TMTC3: variants seen among roughly 807,000 people sequenced by gnomAD.
The protein encoded by TMTC3 is protein O-mannosyl-transferase TMTC3.
TMTC3 carries 52 observed loss-of-function variants against 92.2 expected under a neutral mutation model. The observed-to-expected ratio is 0.56, with a 90% CI of 0.45 to 0.71. The LOEUF is 0.71. Ranked by LOEUF, TMTC3 falls within the 30% of genes least tolerant of loss-of-function variation. TMTC3 has a pLI of 0.00. For missense variants in TMTC3, 896 were observed against 1,057.1 expected, an observed-to-expected ratio of 0.85 and a Z score of 2.11; for synonymous variants, 339 against 363.3, an observed-to-expected ratio of 0.93 and a Z score of 0.76.
At chr12:88,184,025 G>A (rs1451427994) in intron 10 of TMTC3, among the ~76,000 whole-genome samples, 1 of 151,868 alleles carries the variant, frequency 6.6e-6, no homozygotes, top group South Asian at 2.1e-4. Flanking sequence ...TTCCTCACAC[G>A]GGGCACCACC....
At chr12:88,174,023 C>T (rs2041232758) in intron 8 of TMTC3, among the ~76,000 whole-genome samples, 1 of 152,050 alleles carries the variant, frequency 6.6e-6, no homozygotes, top group Non-Finnish European at 1.5e-5. Flanking sequence ...ACTATTAATA[C>T]TAAACAAGAT....
chr12:88,195,778 T>A lies in TMTC3; in HGVS notation c.*129T>A, dbSNP rs2041505646. 2.9e-6 allele frequency: 2 copies of A among 688,288 alleles called. No homozygotes were observed. The highest frequency in any genetic ancestry group is 4.7e-6 in the Non-Finnish European group (2 of 427,684). 42.6% of individuals were successfully genotyped at this position (688,288 alleles called of 1,614,324 possible). A position where few individuals can be genotyped will look rare whatever the true frequency, so the allele number is the denominator to read the frequency against. On this transcript the variant is annotated 3_prime_UTR_variant, in exon 14 of 14. Coordinates refer to ENST00000266712, the MANE Select transcript of TMTC3 (RefSeq NM_181783.4). ...AATCATGAGCTGCCTTGAAGTAGGA[T>A]CAAAATAAGATTTTCATTAAAGACC...
intron 2 of TMTC3, 23 bp from the exon 3 acceptor site, chr12:88,153,268 C>G (rs1448927819): frequency 1.3e-6 from 2 of 1,568,316 alleles, no homozygotes; most frequent in Admixed American, 3.5e-5. Context: ...CTTTAATAAT[C>G]ACTGATCGTT....
intron 13 of TMTC3, among the ~76,000 whole-genome samples, chr12:88,193,676 C>T (rs1284094500): frequency 6.6e-6 from 1 of 152,068 alleles, no homozygotes; most frequent in Non-Finnish European, 1.5e-5. Flanking sequence ...GAACTGAAGC[C>T]TCCTGATTTA....
In TMTC3 at chr12:88,195,496, T is replaced by C; in HGVS notation, c.2592T>C (p.Asn864=). 1 of 1,612,854 alleles carries C rather than the reference T, an allele frequency of 6.2e-7. No individual in the cohort carries two copies. Among genetic ancestry groups the C allele is most frequent in the Non-Finnish European group, 8.5e-7 (1 of 1,179,602 alleles). Residue 864 remains asparagine, a synonymous_variant, in exon 14 of 14, where the codon AAT becomes AAC. Coordinates refer to ENST00000266712, the MANE Select transcript of TMTC3 (RefSeq NM_181783.4). ...CACAAATAGTAAAAACAAGTGATAA[T>C]AAAAGTCAGTCTAAATCCAACAAAC... ...RQTQIVKTSD[N]KSQSKSNKQL... is the part of the protein sequence containing the mutation.
rs2041539622 is a variant in TMTC3, at chr12:88,198,350, T to G, written c.*2701T>G. ...TATCACAGGTTTGTATGCTGGTGAA[T>G]GGATAGTTTTAATTCTCACTGTCTC... is the stretch of plus-strand genomic sequence containing the variant. On this transcript the variant is annotated 3_prime_UTR_variant, in exon 14 of 14. Transcript: ENST00000266712. The G allele has an allele frequency of 5.0e-6, 2 of 398,118 alleles. No homozygotes were observed. Among genetic ancestry groups the G allele is most frequent in the Non-Finnish European group, 8.9e-6 (2 of 225,688 alleles). The allele number at this position is 398,118 out of a possible 1,614,324, so 24.7% of individuals were successfully genotyped here. A position where few individuals can be genotyped will look rare whatever the true frequency, so the allele number is the denominator to read the frequency against.
At position 88,172,448 on chromosome 12, in the gene TMTC3, G is replaced by A. The variant is rs1028414153; in HGVS notation, c.1051-149G>A. 4.6e-4 allele frequency: 154 copies of A among 336,200 alleles called. 2 individuals are homozygous for A. In the Middle Eastern group the frequency reaches 4.8e-3, roughly 11 times the overall value. The allele number at this position is 336,200 out of a possible 1,614,324, so 20.8% of individuals were successfully genotyped here. ...TATGTTTAAATTAATATTCTTCACA[G>A]TATTATTAAAAATAGTTTAGCAGTA... On this transcript the variant is annotated intron_variant, in intron 7 of 13. Transcript: ENST00000266712.
intron 6 of TMTC3, among the ~76,000 whole-genome samples, chr12:88,164,314 G>A (rs1012788856): frequency 1.3e-5 from 2 of 150,974 alleles, no homozygotes; most frequent in Non-Finnish European, 2.9e-5. Flanking sequence ...ACTAATTCTA[G>A]CCCCCGCACT....
At chr12:88,192,021 TTTTTTTC>T (rs1302016570) in intron 12 of TMTC3, among the ~76,000 whole-genome samples, 4 of 131,926 alleles carry the variant, frequency 3.0e-5, no homozygotes, top group Non-Finnish European at 4.5e-5. Context: ...TTTCTTTTTT[TTTTTTTC>T]TTTTTTTTTT....
Position 88,166,542 on chromosome 12 carries a change from G to A in TMTC3, c.1010G>A (p.Ser337Asn). Residue 337 changes from serine (S) to asparagine (N), a missense_variant, in exon 7 of 14, where the codon AGT (serine) becomes AAT (asparagine). Coordinates refer to ENST00000266712, the MANE Select transcript of TMTC3 (RefSeq NM_181783.4). ...TTTCTGGGGATGTTGGGAGTATTCA[G>A]TATCAGATACTCTGGTGATTCCTCC... ...FCFLGMLGVF[S>N]IRYSGDSSKT... The A allele has an allele frequency of 6.2e-7, 1 of 1,613,744 alleles. No homozygotes were observed. The highest frequency in any genetic ancestry group is 1.1e-5 in the South Asian group (1 of 91,070).
chr12:88,148,860 T>G (rs1172660881), intron 2 of TMTC3, among the ~76,000 whole-genome samples: 1 of 152,050 alleles, frequency 6.6e-6, no homozygotes, highest in Non-Finnish European at 1.5e-5. Flanking sequence ...TAGTACCCAA[T>G]AGGTAGTTTT....
At chr12:88,173,191 C>T in intron 8 of TMTC3, 1 of 899,078 alleles carries the variant, frequency 1.1e-6, no homozygotes. Flanking sequence ...ATCCTAGTTG[C>T]CTCAAACTAA....
chr12:88,159,262 A>G (rs1045355446), intron 4 of TMTC3, among the ~76,000 whole-genome samples: 3 of 152,228 alleles, frequency 2.0e-5, no homozygotes, highest in Non-Finnish European at 4.4e-5. Context: ...CATGGTAGAC[A>G]CTTACTTAAA....
chr12:88,189,414 T>C (rs11104752), intron 11 of TMTC3, among the ~76,000 whole-genome samples: 18,080 of 152,194 alleles, frequency 0.12, 1,976 homozygotes, highest in African/African-American at 0.29. Context: ...ATTTTAAAAA[T>C]TGTTTTTATA....
chr12:88,153,692 T>C (rs1359030020), intron 3 of TMTC3, among the ~76,000 whole-genome samples, 183 bp downstream of exon 3: 1 of 152,092 alleles, frequency 6.6e-6, no homozygotes, highest in Non-Finnish European at 1.5e-5. Context: ...TATAACTTCC[T>C]ACTGTGTAAA....
At position 88,196,846 on chromosome 12, in the gene TMTC3, A is replaced by G. The variant is rs889508931; in HGVS notation, c.*1197A>G. On this transcript the variant is annotated 3_prime_UTR_variant, in exon 14 of 14. Transcript: ENST00000266712. ...ATCATTTTTGGCCTAATGTCTGGAT[A>G]TAAAAGATAATTAGCCTACTATAGT... 16 of 151,884 alleles carry G rather than the reference A, an allele frequency of 1.1e-4. No individual in the cohort carries two copies. The highest frequency in any genetic ancestry group is 3.3e-4 in the Admixed American group (5 of 15,246). 9.4% of individuals were successfully genotyped at this position (151,884 alleles called of 1,614,324 possible). A position where few individuals can be genotyped will look rare whatever the true frequency, so the allele number is the denominator to read the frequency against.
chr12:88,146,629 A>G (rs913048871), intron 1 of TMTC3, among the ~76,000 whole-genome samples: 3 of 149,506 alleles, frequency 2.0e-5, no homozygotes, highest in African/African-American at 7.3e-5. Flanking sequence ...ATATATACAT[A>G]TATATGTATA....
chr12:88,185,919 ATATTT>A (rs1292902652), intron 10 of TMTC3, among the ~76,000 whole-genome samples: 1 of 152,080 alleles, frequency 6.6e-6, no homozygotes, highest in Non-Finnish European at 1.5e-5. Flanking sequence ...TATCTTTATT[ATATTT>A]TATTTGTTAA....
intron 2 of TMTC3, among the ~76,000 whole-genome samples, chr12:88,149,022 A>G (rs917981012): frequency 2.0e-5 from 3 of 152,132 alleles, no homozygotes; most frequent in African/African-American, 7.2e-5. Flanking sequence ...ATATATTTCA[A>G]CATTTTAAAA....
Sources: gnomAD v4.1 joint callset for allele counts (sites outside exome capture counted in the v4.1 genomes callset) on GRCh38, gnomAD v4.1.1 for gene constraint, MANE v1.5 for transcripts, NCBI Gene and HGNC (gene_info 2026-07-23, HGNC 2026-07-21) for gene names.